The following BST1 variants were observed in gnomAD, a reference collection of about 807,000 sequenced individuals.
BST1 encodes bone marrow stromal cell antigen 1, also known as ADP-ribosyl cyclase/cyclic ADP-ribose hydrolase 2.
In BST1, 49 loss-of-function variants were observed where a neutral mutation model predicts 40.6. The ratio of observed to expected loss-of-function variants is 1.21; its 90% CI spans 0.96 to 1.53. The LOEUF is 1.53. BST1 is among the 40% of genes most tolerant of loss of function. The probability of loss-of-function intolerance (pLI) is 0.00; values close to 1 mark genes in which losing one functional copy is unlikely to be tolerated. For missense variants in BST1, 423 were observed against 395.9 expected (o/e 1.07, Z -0.58); for synonymous variants, 157 against 159.3 (o/e 0.99, Z 0.11).
chr4:15,705,503 A>G lies in BST1; in HGVS notation c.189-12A>G. ...CATGTGTGTGTTCTTCCCAACTTGTACTTTTGCACAGGAACAAGAACTGCA... is the reference window on the plus strand; with the variant it reads ...CATGTGTGTGTTCTTCCCAACTTGTGCTTTTGCACAGGAACAAGAACTGCA... On this transcript the variant is annotated splice_polypyrimidine_tract_variant and intron_variant, in intron 1 of 8. Transcript: ENST00000265016. 1 of 1,559,244 alleles carries G rather than the reference A, an allele frequency of 6.4e-7. No individual in the cohort carries two copies. Among genetic ancestry groups the G allele is most frequent in the Non-Finnish European group, 8.6e-7 (1 of 1,156,764 alleles).
chr4:15,771,985 T>C, the BST1 span, among the ~76,000 whole-genome samples: 1 of 150,606 alleles, frequency 6.6e-6, no homozygotes, highest in South Asian at 2.1e-4. Flanking sequence ...TCCTATGCTA[T>C]AATTTTTATG....
chr4:15,717,403 G>A (rs931459534), intron 6 of BST1, among the ~76,000 whole-genome samples: 10 of 151,984 alleles, frequency 6.6e-5, no homozygotes, highest in South Asian at 4.1e-4. Flanking sequence ...GTAATATACC[G>A]TGCCTAATAA....
chr4:15,737,013 C>A (rs1721594890), downstream of BST1, among the ~76,000 whole-genome samples: 1 of 152,188 alleles, frequency 6.6e-6, no homozygotes, highest in Non-Finnish European at 1.5e-5. Context: ...CAGGTTGGCC[C>A]ACATCCTACC....
intron 1 of BST1, among the ~76,000 whole-genome samples, chr4:15,703,887 G>C (rs568808981): frequency 7.1e-6 from 1 of 140,592 alleles, no homozygotes; most frequent in Non-Finnish European, 1.5e-5. Context: ...AGAGGTGAAG[G>C]GGGTGTGTGT....
rs7672395 is a variant in BST1 at position 15,722,864 on chromosome 4, T to G, written c.792-11T>G. ...TTAAATAATCCCTTAAATATTATTT[T>G]CTTTCTGTAGACCAGTGAAGCTCTT... On this transcript the variant is annotated splice_polypyrimidine_tract_variant and intron_variant, in intron 7 of 8. Coordinates refer to ENST00000265016, the MANE Select transcript of BST1 (RefSeq NM_004334.3). 0.045 allele frequency: 72,202 copies of G among 1,610,130 alleles called. 3,668 individuals are homozygous for G. The highest frequency in any genetic ancestry group is 0.27 in the East Asian group (11,951 of 44,764).
the BST1 span, among the ~76,000 whole-genome samples, chr4:15,750,766 G>A: frequency 6.6e-6 from 1 of 151,984 alleles, no homozygotes; most frequent in African/African-American, 2.4e-5. Context: ...GCATATGTTG[G>A]GTTAATTAAA....
chr4:15,731,584 C>T (rs1721374783), intron 8 of BST1, 156 bp from the exon 9 acceptor site: 3 of 1,117,828 alleles, frequency 2.7e-6, no homozygotes, highest in Non-Finnish European at 2.7e-6. Flanking sequence ...CAGGACTTCG[C>T]GCACCGCCTC....
At chr4:15,744,430 A>G in the BST1 span, among the ~76,000 whole-genome samples, 1 of 152,154 alleles carries the variant, frequency 6.6e-6, no homozygotes, top group Non-Finnish European at 1.5e-5. Context: ...CACTTATAAA[A>G]CCATCAGATC....
In BST1 at chr4:15,715,294, G is replaced by T. The variant is rs1174786383; in HGVS notation, c.544G>T (p.Asp182Tyr). The stretch of plus-strand genomic sequence containing the variant: ...TTGGTTCTTCTCGTAGTATTCCAAG[G>T]ATAGTTCTGGGGTGATCCACGTCAT... Reference protein sequence around the residue: ...WKRASIQYSKDSSGVIHVMLN... With the variant: ...WKRASIQYSKYSSGVIHVMLN... Residue 182 changes from aspartate to tyrosine, a missense_variant, in exon 5 of 9, where the codon GAT (aspartate) becomes TAT (tyrosine). Asp to Tyr is a radical substitution (Grantham distance 160, BLOSUM62 -3). Coordinates refer to ENST00000265016, the MANE Select transcript of BST1 (RefSeq NM_004334.3). 1 of 1,613,790 alleles carries T rather than the reference G, an allele frequency of 6.2e-7. No homozygotes were observed. The highest frequency in any genetic ancestry group is 1.3e-5 in the African/African-American group (1 of 74,914).
chr4:15,707,834 A>ACTCTCTCT (rs146353876), intron 3 of BST1, among the ~76,000 whole-genome samples, 188 bp downstream of exon 3: 4,410 of 106,746 alleles, frequency 0.041, 127 homozygotes, highest in African/African-American at 0.06. Context: ...CAGTCTAAGC[A>ACTCTCTCT]CTCTCTCTCT....
the BST1 span, among the ~76,000 whole-genome samples, chr4:15,768,797 A>T: frequency 6.6e-6 from 1 of 152,174 alleles, no homozygotes. Context: ...CGCCCGGCCG[A>T]TGGACAGTAT....
At chr4:15,770,905 T>C in the BST1 span, among the ~76,000 whole-genome samples, 2 of 152,194 alleles carry the variant, frequency 1.3e-5, no homozygotes, top group African/African-American at 4.8e-5. Flanking sequence ...GTTCGACAGA[T>C]GAGAAACTTG....
At chr4:15,715,413 T>A in intron 5 of BST1, 52 bp downstream of exon 5, 1 of 1,562,570 alleles carries the variant, frequency 6.4e-7, no homozygotes, top group Non-Finnish European at 8.8e-7. Flanking sequence ...AATATTTATT[T>A]AATTGTTTTA....
intron 3 of BST1, among the ~76,000 whole-genome samples, chr4:15,709,661 C>T (rs1720079440): frequency 1.3e-5 from 2 of 152,304 alleles, no homozygotes; most frequent in South Asian, 4.1e-4. Context: ...CCTATCAGGG[C>T]TCTTTGTTTC....
chr4:15,760,372 A>G, the BST1 span, among the ~76,000 whole-genome samples: 12 of 152,006 alleles, frequency 7.9e-5, no homozygotes, highest in Non-Finnish European at 5.9e-5. Context: ...TTATTATGAT[A>G]ATGCCTTTAT....
At chr4:15,716,599 G>A (rs1476102220) in intron 6 of BST1, among the ~76,000 whole-genome samples, 1 of 152,094 alleles carries the variant, frequency 6.6e-6, no homozygotes, top group Non-Finnish European at 1.5e-5. Context: ...ACCATATAAG[G>A]GGTTATTTTT....
At chr4:15,734,647 C>T (rs995662635), downstream of BST1, among the ~76,000 whole-genome samples, 1 of 152,044 alleles carries the variant, frequency 6.6e-6, no homozygotes, top group Non-Finnish European at 1.5e-5. Flanking sequence ...GGTCTGGCAT[C>T]TAATTGTGTG....
intron 6 of BST1, among the ~76,000 whole-genome samples, chr4:15,718,358 A>G (rs1297908733): frequency 6.6e-6 from 1 of 152,186 alleles, no homozygotes; most frequent in African/African-American, 2.4e-5. Context: ...TATTTTTAAA[A>G]TCTTGCAGAA....
At chr4:15,705,903 A>G (rs992870821) in intron 2 of BST1, among the ~76,000 whole-genome samples, 3 of 152,252 alleles carry the variant, frequency 2.0e-5, no homozygotes, top group Non-Finnish European at 4.4e-5. Context: ...ACAGTTCCAC[A>G]GGCTGTACAG....
Sources: allele counts gnomAD v4.1 joint callset (sites outside exome capture counted in the v4.1 genomes callset), GRCh38; gene constraint gnomAD v4.1.1; transcripts MANE v1.5; gene names NCBI Gene and HGNC (gene_info 2026-07-23, HGNC 2026-07-21).